The following OXR1 variants were observed in gnomAD, a reference collection of about 807,000 sequenced individuals.
OXR1 encodes the protein oxidation resistance 1.
Under a neutral mutation model 104.6 loss-of-function variants are expected in OXR1, and 41 were observed. The observed-to-expected ratio is 0.39, with a 90% confidence interval of 0.31 to 0.51. OXR1 has a LOEUF of 0.51. Ranked by LOEUF, OXR1 falls within the 20% of genes least tolerant of loss-of-function variation. The pLI, the probability that OXR1 is intolerant of heterozygous loss-of-function variation, is 0.77. For synonymous variants in OXR1, 348 were observed against 348.4 expected (o/e 1.00, Z 0.01); for missense variants, 955 against 1,031.9 (o/e 0.93, Z 1.02).
At chr8:106,744,714 G>A (rs1324916601) in intron 15 of OXR1, among the ~76,000 whole-genome samples, 1 of 152,160 alleles carries the variant, frequency 6.6e-6, no homozygotes, top group East Asian at 1.9e-4. Context: ...TTTAGTGAAT[G>A]TGTGACTATT....
At chr8:106,333,350 T>C (rs1001907776) in intron 1 of OXR1, among the ~76,000 whole-genome samples, 2 of 152,122 alleles carry the variant, frequency 1.3e-5, no homozygotes, top group Admixed American at 1.3e-4. Context: ...TATTGCTGAG[T>C]TGTAATAATT....
intron 3 of OXR1, among the ~76,000 whole-genome samples, chr8:106,624,791 T>C (rs1272685452): frequency 6.6e-6 from 1 of 152,118 alleles, no homozygotes; most frequent in East Asian, 1.9e-4. Context: ...ACCTGATGTT[T>C]GTTTTTGGTT....
intron 1 of OXR1, chr8:106,272,857 C>T (rs1811874721): frequency 6.6e-6 from 1 of 152,050 alleles, no homozygotes. Context: ...TTTAGCCATT[C>T]TGTTCTGCAC....
chr8:106,711,384 C>CT (rs35954782), intron 10 of OXR1, among the ~76,000 whole-genome samples: 2 of 152,230 alleles, frequency 1.3e-5, no homozygotes, highest in East Asian at 3.9e-4. Flanking sequence ...CTTAAAATTA[C>CT]TTTAACAGTT....
At position 106,452,551 on chromosome 8, in the gene OXR1, G is replaced by A. The variant is rs546091989; in HGVS notation, c.24-66392G>A. On this transcript the variant is annotated intron_variant, in intron 2 of 16. Transcript: ENST00000517566. ...TATGGATACCTTTTCTTTCTGTTAC[G>A]TCAAAGTGCATCATGGAATTATTCT... Among the ~76,000 whole-genome samples, 15 of 152,026 alleles carry A rather than the reference G, an allele frequency of 9.9e-5. No individual in the cohort carries two copies. In the East Asian group the frequency reaches 1.7e-3, roughly 18 times the overall value.
chr8:106,370,492 T>C (rs1010406582), intron 2 of OXR1, among the ~76,000 whole-genome samples: 2 of 152,182 alleles, frequency 1.3e-5, no homozygotes, highest in Non-Finnish European at 2.9e-5. Context: ...TCAAAGGGAA[T>C]GAGTCTAGCT....
intron 7 of OXR1, among the ~76,000 whole-genome samples, chr8:106,693,424 CTTTTTTTTTTT>C (rs11384137): frequency 1.0e-5 from 1 of 97,556 alleles, no homozygotes; most frequent in African/African-American, 4.1e-5. Context: ...TAGTCAGAAT[CTTTTTTTTTTT>C]TTTTTTTTTT....
chr8:106,563,536 T>C (rs973527929), intron 3 of OXR1, among the ~76,000 whole-genome samples: 3 of 152,086 alleles, frequency 2.0e-5, no homozygotes, highest in African/African-American at 7.2e-5. Flanking sequence ...CACACAATAA[T>C]GTGGGAGACT....
intron 3 of OXR1, among the ~76,000 whole-genome samples, chr8:106,559,709 T>C (rs1816539544): frequency 6.6e-6 from 1 of 152,164 alleles, no homozygotes; most frequent in South Asian, 2.1e-4. Flanking sequence ...CTTTTTGCTG[T>C]ATCCTCACAT....
intron 2 of OXR1, among the ~76,000 whole-genome samples, chr8:106,473,353 G>C (rs1254424175): frequency 6.6e-6 from 1 of 151,724 alleles, no homozygotes; most frequent in Non-Finnish European, 1.5e-5. Context: ...CCTTTCTCCT[G>C]GTGCCTTTGA....
intron 1 of OXR1, among the ~76,000 whole-genome samples, chr8:106,320,602 TA>T (rs1157850635): frequency 1.3e-5 from 2 of 152,112 alleles, no homozygotes; most frequent in African/African-American, 4.8e-5. Context: ...TGATTAAGTA[TA>T]AAATTACCCT....
intron 3 of OXR1, among the ~76,000 whole-genome samples, chr8:106,566,262 T>C (rs1480216131): frequency 6.6e-6 from 1 of 152,004 alleles, no homozygotes; most frequent in Non-Finnish European, 1.5e-5. Context: ...TACAAGGAAC[T>C]TAAAGAAAGT....
chr8:106,344,225 G>T (rs1377168993), intron 1 of OXR1, among the ~76,000 whole-genome samples: 1 of 152,076 alleles, frequency 6.6e-6, no homozygotes, highest in Non-Finnish European at 1.5e-5. Flanking sequence ...TAAGTCCCCA[G>T]CTGCTTGCAG....
chr8:106,512,792 G>A (rs1812622660), intron 2 of OXR1, among the ~76,000 whole-genome samples: 1 of 152,056 alleles, frequency 6.6e-6, no homozygotes, highest in Non-Finnish European at 1.5e-5. Flanking sequence ...GATGTGAGAG[G>A]AAAAGGGAAG....
At chr8:106,658,160 G>T in intron 3 of OXR1, 1 of 1,244,638 alleles carries the variant, frequency 8.0e-7, no homozygotes. Context: ...ACCGGCCCCC[G>T]GCGCCGTCCA....
chr8:106,542,112 C>T (rs1033549477), intron 3 of OXR1, among the ~76,000 whole-genome samples: 1 of 152,106 alleles, frequency 6.6e-6, no homozygotes, highest in African/African-American at 2.4e-5. Context: ...GATAAAGTGA[C>T]CCTTTCTTTT....
chr8:106,357,229 CT>C (rs200726937), intron 1 of OXR1, among the ~76,000 whole-genome samples: 103 of 146,010 alleles, frequency 7.1e-4, no homozygotes, highest in Middle Eastern at 3.6e-3. Context: ...TATATATATG[CT>C]TTTTTTTTTG....
intron 2 of OXR1, among the ~76,000 whole-genome samples, chr8:106,384,975 A>G (rs1817312444): frequency 6.6e-6 from 1 of 152,202 alleles, no homozygotes; most frequent in African/African-American, 2.4e-5. Context: ...TCAGCCTCCC[A>G]AAGTGCTGGG....
At chr8:106,299,743 C>CT (rs2130081693) in intron 1 of OXR1, among the ~76,000 whole-genome samples, 1 of 152,252 alleles carries the variant, frequency 6.6e-6, no homozygotes, top group East Asian at 1.9e-4. Context: ...TGTCAGGCAC[C>CT]TTGCCGCATG....
Sources: gnomAD v4.1 joint callset for allele counts (sites outside exome capture counted in the v4.1 genomes callset) on GRCh38, gnomAD v4.1.1 for gene constraint, MANE v1.5 for transcripts, NCBI Gene and HGNC (gene_info 2026-07-23, HGNC 2026-07-21) for gene names.